The following MAP7 variants were observed in gnomAD, a reference collection of about 807,000 sequenced individuals.
The protein encoded by MAP7 is ensconsin.
Under a neutral mutation model 94.8 loss-of-function variants are expected in MAP7, and 52 were observed. That is an observed-to-expected ratio of 0.55 (90% confidence interval 0.44 to 0.69). The LOEUF (loss-of-function observed/expected upper bound fraction) is 0.69, where lower values mean the gene tolerates loss of function less well. Among genes scored for constraint, MAP7 ranks in the 30% least tolerant of loss-of-function variants. The pLI is 0.00. For synonymous variants in MAP7, 350 were observed against 357.0 expected, an observed-to-expected ratio of 0.98 and a Z score of 0.22; for missense variants, 940 against 964.6, an observed-to-expected ratio of 0.97 and a Z score of 0.34.
In MAP7 at chr6:136,365,916, TG is replaced by T; in HGVS notation, c.1091del (p.Pro364HisfsTer35). On this transcript the variant is annotated frameshift_variant, in exon 10 of 18. Transcript: ENST00000354570. LOFTEE classifies it high-confidence loss of function. Reference sequence around the variant, plus strand: ...TGACAGGGCGGATGTTGCCGGGGGATGGGGGCCGGACCTGAGCAGGAGCAGC... The same window carrying T: ...TGACAGGGCGGATGTTGCCGGGGGATGGGGCCGGACCTGAGCAGGAGCAGC... ...VKAAPAQVRP[P>X]SPGNIRPVKR... 2 of 1,614,036 alleles carry T rather than the reference TG, an allele frequency of 1.2e-6. No individual in the cohort carries two copies. Among genetic ancestry groups the T allele is most frequent in the Non-Finnish European group, 1.7e-6 (2 of 1,180,012 alleles).
chr6:136,546,161 C>T (rs1335642285), intron 1 of MAP7, among the ~76,000 whole-genome samples: 1 of 151,986 alleles, frequency 6.6e-6, no homozygotes, highest in Non-Finnish European at 1.5e-5. Flanking sequence ...TATAAGCGTG[C>T]GCCACCACAC....
intron 1 of MAP7, among the ~76,000 whole-genome samples, chr6:136,426,328 C>G (rs1229660451): frequency 6.6e-6 from 1 of 152,182 alleles, no homozygotes; most frequent in Non-Finnish European, 1.5e-5. Flanking sequence ...TTTACAATAC[C>G]TCCATGGGCC....
intron 1 of MAP7, among the ~76,000 whole-genome samples, chr6:136,533,825 C>T (rs1045224452): frequency 6.6e-6 from 1 of 152,158 alleles, no homozygotes. Context: ...TTCATAAGAT[C>T]GGCTCCCATG....
chr6:136,518,031 G>A (rs1825364625), intron 1 of MAP7, among the ~76,000 whole-genome samples: 1 of 152,130 alleles, frequency 6.6e-6, no homozygotes, highest in Non-Finnish European at 1.5e-5. Flanking sequence ...GACACCTCTT[G>A]GTCATGCACT....
At chr6:136,431,463 G>T (rs1003878449) in intron 1 of MAP7, among the ~76,000 whole-genome samples, 1 of 151,398 alleles carries the variant, frequency 6.6e-6, no homozygotes, top group Non-Finnish European at 1.5e-5. Flanking sequence ...TTCCATGCTG[G>T]TTACCCAATA....
chr6:136,519,814 C>T (rs1482049185), intron 1 of MAP7, among the ~76,000 whole-genome samples: 1 of 152,142 alleles, frequency 6.6e-6, no homozygotes, highest in Non-Finnish European at 1.5e-5. Flanking sequence ...GCATTATTAA[C>T]CTTAATATTC....
chr6:136,398,805 C>A (rs1012811845), intron 3 of MAP7, among the ~76,000 whole-genome samples: 1 of 152,124 alleles, frequency 6.6e-6, no homozygotes, highest in African/African-American at 2.4e-5. Flanking sequence ...GACTAATACA[C>A]ACAGCATGCA....
At chr6:136,380,257 C>T (rs1400882095) in intron 6 of MAP7, among the ~76,000 whole-genome samples, 4 of 152,198 alleles carry the variant, frequency 2.6e-5, no homozygotes, top group Non-Finnish European at 5.9e-5. Context: ...TTATGGATAC[C>T]TGCCTTACCA....
rs1169544340 is a variant in MAP7 at position 136,389,524 on chromosome 6, G to A, written c.245-7C>T. ...CACACTATTTCTCTTGCAGCTTTGG[G>A]GAGGGTTAAAAAAAAAAAAAAAGAG... On this transcript the variant is annotated splice_region_variant and splice_polypyrimidine_tract_variant and intron_variant, in intron 3 of 17. Coordinates refer to ENST00000354570, the MANE Select transcript of MAP7 (RefSeq NM_003980.6). The A allele has an allele frequency of 1.2e-6, 2 of 1,602,102 alleles. No homozygotes were observed. Among genetic ancestry groups the A allele is most frequent in the Non-Finnish European group, 8.5e-7 (1 of 1,178,230 alleles).
intron 1 of MAP7, among the ~76,000 whole-genome samples, chr6:136,486,237 T>C (rs536954829): frequency 6.6e-6 from 1 of 152,206 alleles, no homozygotes; most frequent in African/African-American, 2.4e-5. Flanking sequence ...GTGAAAAAAT[T>C]ATGTTTGAAT....
At chr6:136,486,372 C>T (rs1436560816) in intron 1 of MAP7, among the ~76,000 whole-genome samples, 3 of 152,204 alleles carry the variant, frequency 2.0e-5, no homozygotes, top group South Asian at 2.1e-4. Context: ...TCCCTGCAAA[C>T]AGGAGAGTTG....
At chr6:136,376,813 G>A (rs758023168) in intron 7 of MAP7, among the ~76,000 whole-genome samples, 19 of 152,144 alleles carry the variant, frequency 1.2e-4, no homozygotes, top group African/African-American at 2.7e-4. Context: ...AGATTTATTC[G>A]CTCATTGGGC....
intron 2 of MAP7, among the ~76,000 whole-genome samples, chr6:136,416,180 T>G (rs1225677580): frequency 6.6e-6 from 1 of 152,202 alleles, no homozygotes; most frequent in Non-Finnish European, 1.5e-5. Flanking sequence ...ATTCAATAAG[T>G]ATTTGTTGAA....
intron 1 of MAP7, among the ~76,000 whole-genome samples, chr6:136,508,863 G>A (rs1822380869): frequency 6.6e-6 from 1 of 152,172 alleles, no homozygotes; most frequent in South Asian, 2.1e-4. Flanking sequence ...TGCTGGGAAT[G>A]ACTACATAGG....
chr6:136,517,498 ACATAAT>A (rs1175504255), intron 1 of MAP7, among the ~76,000 whole-genome samples: 1 of 152,244 alleles, frequency 6.6e-6, no homozygotes, highest in Non-Finnish European at 1.5e-5. Context: ...TATAATTGTC[ACATAAT>A]CAGCTCCAAT....
intron 8 of MAP7, among the ~76,000 whole-genome samples, chr6:136,369,448 C>G (rs2128595778): frequency 6.6e-6 from 1 of 152,262 alleles, no homozygotes; most frequent in South Asian, 2.1e-4. Context: ...GTAGCACATG[C>G]CTGTATTCCC....
intron 2 of MAP7, among the ~76,000 whole-genome samples, chr6:136,413,772 C>T (rs1788284335): frequency 6.6e-6 from 1 of 152,054 alleles, no homozygotes; most frequent in South Asian, 2.1e-4. Flanking sequence ...CAACCACACC[C>T]AGCTAATTTT....
At chr6:136,439,160 T>C (rs947413590) in intron 1 of MAP7, among the ~76,000 whole-genome samples, 1 of 152,196 alleles carries the variant, frequency 6.6e-6, no homozygotes, top group African/African-American at 2.4e-5. Flanking sequence ...TGTATGTATC[T>C]GCCAACCTAT....
intron 3 of MAP7, among the ~76,000 whole-genome samples, chr6:136,401,399 A>G (rs978992477): frequency 3.3e-5 from 5 of 152,332 alleles, no homozygotes; most frequent in Admixed American, 2.0e-4. Flanking sequence ...CATCAATGAT[A>G]GACTCGATTA....
Sources: allele counts gnomAD v4.1 joint callset (sites outside exome capture counted in the v4.1 genomes callset), GRCh38; gene constraint gnomAD v4.1.1; transcripts MANE v1.5; gene names NCBI Gene and HGNC (gene_info 2026-07-23, HGNC 2026-07-21).